The following SLC25A12 variants were observed in gnomAD, a reference collection of about 807,000 sequenced individuals.
SLC25A12 encodes the protein electrogenic aspartate/glutamate antiporter SLC25A12, mitochondrial.
A neutral mutation model predicts 83.3 loss-of-function variants in SLC25A12; 32 were observed. The observed-to-expected ratio is 0.38, with a 90% CI of 0.29 to 0.52. The LOEUF (loss-of-function observed/expected upper bound fraction) is 0.52, where lower values mean the gene tolerates loss of function less well. Among genes scored for constraint, SLC25A12 ranks in the 20% least tolerant of loss-of-function variants. The pLI, the probability that SLC25A12 is intolerant of heterozygous loss-of-function variation, is 0.84. For missense variants in SLC25A12, 611 were observed against 835.6 expected (o/e 0.73, Z 3.31); for synonymous variants, 267 against 291.1 (o/e 0.92, Z 0.84).
chr2:171,891,682 A>G (rs1192434592), intron 2 of SLC25A12, among the ~76,000 whole-genome samples: 2 of 152,350 alleles, frequency 1.3e-5, no homozygotes, highest in African/African-American at 2.4e-5. Flanking sequence ...AAAATTAACT[A>G]TATCACATGA....
chr2:171,883,689 A>G (rs1453929887), intron 2 of SLC25A12, among the ~76,000 whole-genome samples: 8 of 152,060 alleles, frequency 5.3e-5, no homozygotes, highest in Admixed American at 4.6e-4. Context: ...AATTCCCTCC[A>G]CCACTTCACC....
At chr2:171,840,559 C>T (rs1396650071) in intron 5 of SLC25A12, among the ~76,000 whole-genome samples, 1 of 151,814 alleles carries the variant, frequency 6.6e-6, no homozygotes, top group Non-Finnish European at 1.5e-5. Context: ...GAAACAAGAA[C>T]AGTATGCTAT....
Position 171,834,788 on chromosome 2 carries a change from C to T in SLC25A12, c.690G>A (p.Glu230=), listed in dbSNP as rs768671005. Residue 230 remains glutamate (E), a synonymous_variant, in exon 7 of 18, where the codon GAG becomes GAA. Coordinates refer to ENST00000422440, the MANE Select transcript of SLC25A12 (RefSeq NM_003705.5). ...NAFNSLLNNM[E]LVRKIYSTLA... is the part of the protein sequence containing the mutation. ...GAGTGCTATATATCTTACGAACAAG[C>T]TCCATGTTATTCAGTAACGAGTTAA... The T allele has an allele frequency of 6.2e-7, 1 of 1,613,946 alleles. No homozygotes were observed. Among genetic ancestry groups the T allele is most frequent in the Non-Finnish European group, 8.5e-7 (1 of 1,179,952 alleles).
intron 13 of SLC25A12, among the ~76,000 whole-genome samples, chr2:171,795,507 CTT>C (rs964285552): frequency 7.2e-5 from 11 of 152,262 alleles, no homozygotes; most frequent in African/African-American, 1.4e-4. Flanking sequence ...CCTGAAATCT[CTT>C]GTTTAAATAA....
Position 171,884,458 on chromosome 2 carries a change from C to T in SLC25A12, c.66+8747G>A, listed in dbSNP as rs544113940. Among the ~76,000 whole-genome samples the T allele has an allele frequency of 5.6e-4, 85 of 150,720 alleles. 1 individual carries two copies. Among genetic ancestry groups the T allele is most frequent in the African/African-American group, 2.0e-3 (82 of 41,178 alleles). ...CTCTGTGGGCTTTTTTAATTGTCCA[C>T]CTCGCCCCTAGAATGTTAGGTTCTA... On this transcript the variant is annotated intron_variant, in intron 2 of 17. Coordinates refer to ENST00000422440, the MANE Select transcript of SLC25A12 (RefSeq NM_003705.5).
At chr2:171,853,025 T>C (rs887383309) in intron 4 of SLC25A12, among the ~76,000 whole-genome samples, 19 of 152,094 alleles carry the variant, frequency 1.2e-4, no homozygotes, top group African/African-American at 3.6e-4. Flanking sequence ...TTTTAAAAAA[T>C]GTTTTAAATT....
At chr2:171,809,942 T>C (rs886747986) in intron 12 of SLC25A12, among the ~76,000 whole-genome samples, 28 of 152,194 alleles carry the variant, frequency 1.8e-4, no homozygotes, top group Non-Finnish European at 3.1e-4. Flanking sequence ...CATAGCTCAC[T>C]ACAGCCTCAA....
At chr2:171,883,488 T>G (rs1574006611) in intron 2 of SLC25A12, among the ~76,000 whole-genome samples, 1 of 152,198 alleles carries the variant, frequency 6.6e-6, no homozygotes, top group African/African-American at 2.4e-5. Flanking sequence ...TTCTAGGAAC[T>G]CTATAGACAG....
rs780403262 is a variant in SLC25A12 at position 171,832,447 on chromosome 2, A to G, written c.845+1516T>C. Among the ~76,000 whole-genome samples, 41 of 152,200 alleles carry G rather than the reference A, an allele frequency of 2.7e-4. 1 individual carries two copies. The highest frequency in any genetic ancestry group is 4.6e-4 in the Admixed American group (7 of 15,278). On this transcript the variant is annotated intron_variant, in intron 8 of 17. Coordinates refer to ENST00000422440, the MANE Select transcript of SLC25A12 (RefSeq NM_003705.5). ...CACCATAGACAACAATTTTTGTCTTAAAAAACAAAGATCCTTTCTCCTGTG... is the reference window on the plus strand; with the variant it reads ...CACCATAGACAACAATTTTTGTCTTGAAAAACAAAGATCCTTTCTCCTGTG...
At chr2:171,840,154 T>C (rs1359552542) in intron 5 of SLC25A12, among the ~76,000 whole-genome samples, 1 of 152,114 alleles carries the variant, frequency 6.6e-6, no homozygotes. Context: ...CTAGACAATT[T>C]TTCCCTGATT....
intron 9 of SLC25A12, among the ~76,000 whole-genome samples, chr2:171,817,891 G>A (rs1684087839): frequency 6.6e-6 from 1 of 152,018 alleles, no homozygotes; most frequent in African/African-American, 2.4e-5. Context: ...ATGTTTATAA[G>A]CCCTACAAAA....
At chr2:171,876,904 A>G (rs1685586796) in intron 2 of SLC25A12, among the ~76,000 whole-genome samples, 1 of 152,236 alleles carries the variant, frequency 6.6e-6, no homozygotes, top group Admixed American at 6.5e-5. Flanking sequence ...GGACACATGG[A>G]AGACATTGAC....
chr2:171,892,214 T>C (rs1279482804), intron 2 of SLC25A12, among the ~76,000 whole-genome samples: 1 of 147,224 alleles, frequency 6.8e-6, no homozygotes, highest in African/African-American at 2.5e-5. Flanking sequence ...CACCTTAGCT[T>C]GCCTCCCTTT....
At chr2:171,800,321 C>T (rs1558910574) in intron 13 of SLC25A12, among the ~76,000 whole-genome samples, 1 of 83,620 alleles carries the variant, frequency 1.2e-5, no homozygotes, top group Non-Finnish European at 2.8e-5. Flanking sequence ...TGAACAGATA[C>T]TTCACACACA....
rs1332304289 is a variant in SLC25A12, at chr2:171,826,804, C to T, written c.924G>A (p.Gln308=). 1 of 1,578,734 alleles carries T rather than the reference C, an allele frequency of 6.3e-7. No individual in the cohort carries two copies. The highest frequency in any genetic ancestry group is 1.3e-5 in the African/African-American group (1 of 74,370). The change falls in exon 9 of 18, where the codon CAG becomes CAA. Residue 308 remains glutamine, a synonymous_variant. Transcript: ENST00000422440. ...TTTATGAGATTACTCATACCTGTCTCTGAAGTTCTGCCAGGTTGTAAGGTA... is the reference window on the plus strand; with the variant it reads ...TTTATGAGATTACTCATACCTGTCTTTGAAGTTCTGCCAGGTTGTAAGGTA... ...GALPYNLAEL[Q]RQQSPGLGRP...
Position 171,793,759 on chromosome 2 carries a change from G to T in SLC25A12, c.1314C>A (p.Gly438=), listed in dbSNP as rs372932097. The change falls in exon 14 of 18, where the codon GGC becomes GGA. Residue 438 remains glycine, a synonymous_variant. Coordinates refer to ENST00000422440, the MANE Select transcript of SLC25A12 (RefSeq NM_003705.5). ...ATGGGTTGGTAAAAATGACCTGAGA[G>T]CCTCCAGCCTGTAGGCAAGGGAGAA... The part of the protein sequence containing the change: ...AEVLAGGCAG[G]SQVIFTNPLE... 4.2e-5 allele frequency: 68 copies of T among 1,614,162 alleles called. No individual in the cohort carries two copies. The African/African-American group carries it at 6.9e-4, about 16-fold the overall frequency.
At chr2:171,789,624 G>T (rs1683380827) in intron 15 of SLC25A12, among the ~76,000 whole-genome samples, 1 of 152,198 alleles carries the variant, frequency 6.6e-6, no homozygotes, top group Non-Finnish European at 1.5e-5. Flanking sequence ...GACAAAGGAA[G>T]GAAGGGGTGC....
chr2:171,813,519 G>A, intron 10 of SLC25A12, 22 bp from the exon 11 acceptor site: 2 of 1,613,218 alleles, frequency 1.2e-6, no homozygotes, highest in Non-Finnish European at 1.7e-6. Context: ...ACAATTTTTA[G>A]GCTTAAAAAA....
chr2:171,822,542 C>G (rs917211664), intron 9 of SLC25A12, among the ~76,000 whole-genome samples: 1 of 152,108 alleles, frequency 6.6e-6, no homozygotes, highest in Non-Finnish European at 1.5e-5. Context: ...TACTACCATG[C>G]CTGGCTAATT....
Sources: allele counts gnomAD v4.1 joint callset (sites outside exome capture counted in the v4.1 genomes callset), GRCh38; gene constraint gnomAD v4.1.1; transcripts MANE v1.5; gene names NCBI Gene and HGNC (gene_info 2026-07-23, HGNC 2026-07-21).